Variants in TJP2 observed in about 807,000 individuals in gnomAD.
TJP2 encodes Friedreich ataxia region gene X104 (tight junction protein ZO-2).
In TJP2, 91 loss-of-function variants were observed where a neutral mutation model predicts 133.1. That is an observed-to-expected ratio of 0.68 (90% CI 0.58 to 0.81). The LOEUF is 0.81. Among genes scored for constraint, TJP2 ranks in the 40% least tolerant of loss-of-function variants. The probability of loss-of-function intolerance (pLI) is 0.00; values close to 1 mark genes in which losing one functional copy is unlikely to be tolerated. For synonymous variants in TJP2, 592 were observed against 583.4 expected, an observed-to-expected ratio of 1.01 and a Z score of -0.21; for missense variants, 1,541 against 1,565.6, an observed-to-expected ratio of 0.98 and a Z score of 0.26.
At chr9:69,151,983 T>A (rs887160891) in intron 2 of TJP2, among the ~76,000 whole-genome samples, 1 of 152,234 alleles carries the variant, frequency 6.6e-6, no homozygotes, top group Non-Finnish European at 1.5e-5. Flanking sequence ...TTGATAGGTA[T>A]AACTTTGCCA....
At chr9:69,213,497 C>T (rs1007090866) in intron 2 of TJP2, among the ~76,000 whole-genome samples, 21 of 152,206 alleles carry the variant, frequency 1.4e-4, no homozygotes, top group African/African-American at 4.8e-4. Flanking sequence ...ATAAGTTCCT[C>T]ATAGGAAGAG....
chr9:69,144,735 T>C (rs1035007232), intron 1 of TJP2, among the ~76,000 whole-genome samples: 3 of 152,236 alleles, frequency 2.0e-5, no homozygotes, highest in African/African-American at 7.2e-5. Context: ...GTAATACTAG[T>C]GAAGAGCCCT....
chr9:69,177,245 C>G (rs892080825), intron 1 of TJP2, among the ~76,000 whole-genome samples: 1 of 152,160 alleles, frequency 6.6e-6, no homozygotes, highest in Non-Finnish European at 1.5e-5. Flanking sequence ...ATGGTAGTGT[C>G]TGAGGGTGAG....
rs1229634459 is a variant in TJP2, at chr9:69,123,546, A to G, written c.-131+1821A>G. Among the ~76,000 whole-genome samples, 4 of 77,582 alleles carry G rather than the reference A, an allele frequency of 5.2e-5. 2 individuals carry two copies. Among genetic ancestry groups the G allele is most frequent in the African/African-American group, 1.6e-4 (4 of 25,464 alleles). The allele number at this position is 77,582 out of a possible 152,430, so 50.9% of individuals were successfully genotyped here. A position where few individuals can be genotyped will look rare whatever the true frequency, so the allele number is the denominator to read the frequency against. On this transcript the variant is annotated intron_variant, in intron 1 of 5. Coordinates refer to the TJP2 transcript ENST00000423935. ...ATGTACAGTAAATGTCTCAAAAAATAAGAGAATGTATAGTAAATGTGTAGT... is the reference window on the plus strand; with the variant it reads ...ATGTACAGTAAATGTCTCAAAAAATGAGAGAATGTATAGTAAATGTGTAGT...
At chr9:69,185,063 C>CTTTT (rs10699607) in intron 1 of TJP2, among the ~76,000 whole-genome samples, 22 of 132,504 alleles carry the variant, frequency 1.7e-4, no homozygotes, top group African/African-American at 2.6e-4. Context: ...AGACTGATTT[C>CTTTT]TTTTTTTTTT....
At chr9:69,232,684 T>G (rs968386732) in intron 11 of TJP2, among the ~76,000 whole-genome samples, 1 of 152,218 alleles carries the variant, frequency 6.6e-6, no homozygotes. Flanking sequence ...AATGGAGATA[T>G]ATGTGCTTTT....
At chr9:69,122,884 G>A (rs964538909) in intron 1 of TJP2, among the ~76,000 whole-genome samples, 1 of 152,180 alleles carries the variant, frequency 6.6e-6, no homozygotes, top group Non-Finnish European at 1.5e-5. Flanking sequence ...CCACTTGAGA[G>A]ATACTACCTA....
chr9:69,163,020 A>ATTTTTTTTTTTTT (rs201502981), intron 2 of TJP2, among the ~76,000 whole-genome samples: 1 of 86,014 alleles, frequency 1.2e-5, no homozygotes. Context: ...AAGTATCTTT[A>ATTTTTTTTTTTTT]TTTTATTTTA....
chr9:69,250,752 A>G (rs1831271373), intron 20 of TJP2, among the ~76,000 whole-genome samples: 1 of 152,176 alleles, frequency 6.6e-6, no homozygotes, highest in Admixed American at 6.5e-5. Flanking sequence ...GAACAAAATT[A>G]TTCCAGGTCT....
chr9:69,185,943 A>G (rs1472942649), intron 1 of TJP2, among the ~76,000 whole-genome samples: 2 of 99,238 alleles, frequency 2.0e-5, no homozygotes, highest in African/African-American at 7.8e-5. Context: ...AATTTTTTGT[A>G]TTTTTTAGTA....
chr9:69,175,377 C>G (rs1482623701), intron 1 of TJP2, among the ~76,000 whole-genome samples: 1 of 152,188 alleles, frequency 6.6e-6, no homozygotes, highest in African/African-American at 2.4e-5. Flanking sequence ...CTTCAGCTCC[C>G]CAGGTGGTCT....
chr9:69,186,199 C>G (rs1825850517), intron 1 of TJP2, among the ~76,000 whole-genome samples: 1 of 152,192 alleles, frequency 6.6e-6, no homozygotes, highest in Admixed American at 6.5e-5. Flanking sequence ...CCTTCAAATA[C>G]TTTTTCCTAT....
intron 8 of TJP2, 34 bp from the exon 9 acceptor site, chr9:69,227,947 C>T (rs776233737): frequency 1.2e-6 from 2 of 1,614,122 alleles, no homozygotes; most frequent in Non-Finnish European, 1.7e-6. Context: ...AAACTGTTAT[C>T]TCTTGAGACA....
chr9:69,143,074 G>A (rs1364084063), intron 1 of TJP2, among the ~76,000 whole-genome samples: 1 of 152,156 alleles, frequency 6.6e-6, no homozygotes, highest in Non-Finnish European at 1.5e-5. Flanking sequence ...AAATAAATTA[G>A]CAAGTTGAAC....
chr9:69,132,015 G>C (rs1822517402), intron 1 of TJP2, among the ~76,000 whole-genome samples: 1 of 152,234 alleles, frequency 6.6e-6, no homozygotes, highest in African/African-American at 2.4e-5. Context: ...TCCAAGGCAA[G>C]CAGGCACAAG....
rs150110625 is a variant in TJP2, at chr9:69,209,327, T to C, written c.61-3221T>C. 2.6e-3 allele frequency among the ~76,000 whole-genome samples: 399 copies of C among 151,346 alleles called. 2 individuals carry two copies. The highest frequency in any genetic ancestry group is 4.1e-3 in the Non-Finnish European group (280 of 67,760). Reference sequence around the variant, plus strand: ...TTTTGTGTTTTTGGTAGAGATAGGGTTTCACCATGTTGGCCAGGCTGGTCT... The same window carrying C: ...TTTTGTGTTTTTGGTAGAGATAGGGCTTCACCATGTTGGCCAGGCTGGTCT... On this transcript the variant is annotated intron_variant, in intron 1 of 22. Coordinates refer to ENST00000377245, the MANE Select transcript of TJP2 (RefSeq NM_004817.4).
intron 1 of TJP2, among the ~76,000 whole-genome samples, chr9:69,181,555 C>G (rs1400337839): frequency 6.6e-6 from 1 of 152,146 alleles, no homozygotes; most frequent in Non-Finnish European, 1.5e-5. Context: ...GCCTAGTTCT[C>G]AGTTTCTTTA....
chr9:69,171,789 ATT>A (rs34717893), upstream of TJP2, among the ~76,000 whole-genome samples: 213 of 86,724 alleles, frequency 2.5e-3, no homozygotes, highest in Middle Eastern at 0.01. Flanking sequence ...GAGTAGAAGA[ATT>A]TTTTTTTTTT....
At chr9:69,220,527 C>T (rs748018622) in intron 4 of TJP2, among the ~76,000 whole-genome samples, 6 of 152,308 alleles carry the variant, frequency 3.9e-5, no homozygotes, top group Non-Finnish European at 7.3e-5. Flanking sequence ...TCTCTTTATC[C>T]GCCTTTGCCC....
Sources: allele counts gnomAD v4.1 joint callset (sites outside exome capture counted in the v4.1 genomes callset), GRCh38; gene constraint gnomAD v4.1.1; transcripts MANE v1.5; gene names NCBI Gene and HGNC (gene_info 2026-07-23, HGNC 2026-07-21).